ELMO3: variants seen among roughly 807,000 people sequenced by gnomAD.
ELMO3 encodes engulfment and cell motility 3.
ELMO3 carries 81 observed loss-of-function variants against 89.0 expected under a neutral mutation model. The observed-to-expected ratio is 0.91, with a 90% confidence interval of 0.76 to 1.09. ELMO3 has a LOEUF of 1.09. ELMO3 is among the 50% of genes least tolerant of loss of function. ELMO3 has a pLI of 0.00. For missense variants in ELMO3, 959 were observed against 972.8 expected (o/e 0.99, Z 0.19); for synonymous variants, 406 against 400.6 (o/e 1.01, Z -0.16).
rs1428722458 is a variant in ELMO3 at position 67,203,817 on chromosome 16, T to G, written c.2103T>G (p.Pro701=). Residue 701 remains proline (P), a synonymous_variant, in exon 20 of 20, where the codon CCT becomes CCG. Coordinates refer to ENST00000393997, the MANE Select transcript of ELMO3 (RefSeq NM_024712.5). This position sits in a 1 kb window ranked among gnomAD's most constrained non-coding sequence, Gnocchi z 4.6. ...ENVPIPERPP[P]VPPPPTNFNF... ...TGCCCATCCCCGAGCGGCCACCCCC[T>G]GTGCCCCCACCCCCCACCAACTTCA... 4.6e-6 allele frequency: 5 copies of G among 1,075,472 alleles called. No individual in the cohort carries two copies. Among genetic ancestry groups the G allele is most frequent in the Admixed American group, 1.9e-5 (1 of 51,426 alleles). 66.6% of individuals were successfully genotyped at this position (1,075,472 alleles called of 1,614,324 possible). A position where few individuals can be genotyped will look rare whatever the true frequency, so the allele number is the denominator to read the frequency against.
At position 67,199,699 on chromosome 16, in the gene ELMO3, C is replaced by G; in HGVS notation, c.135C>G (p.His45Gln). Residue 45 changes from histidine (H) to glutamine (Q), a missense_variant, in exon 3 of 20, where the codon CAC becomes CAG. By Grantham distance (24) the His-to-Gln change is conservative. Transcript: ENST00000393997. Reference sequence around the variant, plus strand: ...TGCCCCTCAGGTGGAGCCTGACGCACTCTGAGCGTTACGCCCTGCAGTTTG... The same window carrying G: ...TGCCCCTCAGGTGGAGCCTGACGCAGTCTGAGCGTTACGCCCTGCAGTTTG... ...KEVCDAWSLT[H>Q]SERYALQFAD... The G allele has an allele frequency of 1.2e-6, 2 of 1,610,984 alleles. No individual in the cohort carries two copies. Among genetic ancestry groups the G allele is most frequent in the Non-Finnish European group, 1.7e-6 (2 of 1,179,884 alleles).
intron 5 of ELMO3, 43 bp from the exon 6 acceptor site, chr16:67,200,408 G>C: frequency 6.2e-7 from 1 of 1,608,300 alleles, no homozygotes; most frequent in Non-Finnish European, 8.5e-7. Flanking sequence ...GGTCTTTCTG[G>C]TCCTGGGGTG....
In ELMO3 at chr16:67,201,986, C is replaced by T; in HGVS notation, c.1060C>T (p.Pro354Ser). 6.2e-7 allele frequency: 1 copy of T among 1,613,160 alleles called. No homozygotes were observed. Among genetic ancestry groups the T allele is most frequent in the Non-Finnish European group, 8.5e-7 (1 of 1,179,978 alleles). ...FRKLGFSNSN[P>S]AQDLERVPPG... is the part of the protein sequence containing the mutation. ...TGCCCACTTCCCCCAGAACAGCAACCCAGCACAGGACCTGGAGCGCGTGCC... is the reference window on the plus strand; with the variant it reads ...TGCCCACTTCCCCCAGAACAGCAACTCAGCACAGGACCTGGAGCGCGTGCC... The change falls in exon 12 of 20, where the codon CCA becomes TCA. Residue 354 changes from proline (P) to serine (S), a missense_variant. By Grantham distance (74) the Pro-to-Ser change is moderately conservative (BLOSUM62 -1). Transcript: ENST00000393997.
In ELMO3 at chr16:67,199,986, C is replaced by T. The variant is rs2033060667; in HGVS notation, c.228C>T (p.Cys76=). 6.2e-7 allele frequency: 1 copy of T among 1,613,716 alleles called. No homozygotes were observed. The highest frequency in any genetic ancestry group is 8.5e-7 in the Non-Finnish European group (1 of 1,180,038). Residue 76 remains cysteine (C), a synonymous_variant, in exon 4 of 20, where the codon TGC becomes TGT. Coordinates refer to ENST00000393997, the MANE Select transcript of ELMO3 (RefSeq NM_024712.5). The part of the protein sequence containing the change: ...RAEIKNGSIL[C]LSTAPDLEAE... ...AGATCAAGAATGGCAGCATCCTGTG[C>T]CTCAGCACGGCCCCAGTAATGCCCC... is the stretch of plus-strand genomic sequence containing the variant.
chr16:67,200,035 T>TA (rs1242923148), intron 4 of ELMO3, 34 bp downstream of exon 4: 1 of 1,570,438 alleles, frequency 6.4e-7, no homozygotes, highest in South Asian at 1.1e-5. Flanking sequence ...TCCCCATCCC[T>TA]GCCCCTTTGC....
intron 1 of ELMO3, 41 bp from the exon 2 acceptor site, chr16:67,199,512 C>T: frequency 6.3e-7 from 1 of 1,577,108 alleles, no homozygotes; most frequent in Non-Finnish European, 8.6e-7. Flanking sequence ...CCTCCCCATC[C>T]CTCCCTGCCC....
At position 67,199,678 on chromosome 16, in the gene ELMO3, C is replaced by G; in HGVS notation, c.120-6C>G. The G allele has an allele frequency of 6.2e-7, 1 of 1,610,312 alleles. No individual in the cohort carries two copies. The highest frequency in any genetic ancestry group is 8.5e-7 in the Non-Finnish European group (1 of 1,179,740). On this transcript the variant is annotated splice_region_variant and splice_polypyrimidine_tract_variant and intron_variant, in intron 2 of 19. Transcript: ENST00000393997. ...TGCCGGCCTCGCTGAGCCTCGTGCC[C>G]CTCAGGTGGAGCCTGACGCACTCTG...
Position 67,202,384 on chromosome 16 carries a change from C to T in ELMO3, c.1262-13C>T, listed in dbSNP as rs765423113. On this transcript the variant is annotated splice_polypyrimidine_tract_variant and intron_variant, in intron 13 of 19. Coordinates refer to ENST00000393997, the MANE Select transcript of ELMO3 (RefSeq NM_024712.5). ...CACTTTCTCCCTGAGCCCCTCCTGC[C>T]CCCCCACTCCAGGCTCTGAGACAGC... The T allele has an allele frequency of 1.2e-6, 2 of 1,613,612 alleles. No homozygotes were observed. Among genetic ancestry groups the T allele is most frequent in the East Asian group, 2.2e-5 (1 of 44,894 alleles).
intron 8 of ELMO3, 86 bp downstream of exon 8, chr16:67,201,054 T>C (rs1015632899): frequency 2.0e-5 from 28 of 1,413,550 alleles, no homozygotes; most frequent in East Asian, 2.5e-5. Flanking sequence ...CCCCCCTTTT[T>C]TTTTTTTTTG....
rs776722224 is a variant in ELMO3, at chr16:67,200,994, G to C, written c.744+26G>C. 5 of 1,576,452 alleles carry C rather than the reference G, an allele frequency of 3.2e-6. No individual in the cohort carries two copies. In the African/African-American group the frequency reaches 6.9e-5, roughly 22 times the overall value. On this transcript the variant is annotated intron_variant, in intron 8 of 19. Transcript: ENST00000393997. ...GTGAGTGTCGATCGGTGGCTAGATG[G>C]GGGCAGCACCCGGTGGGCGCTGCCC... is the stretch of plus-strand genomic sequence containing the variant.
chr16:67,201,120 A>G (rs1322269005), intron 8 of ELMO3, 152 bp downstream of exon 8: 2 of 971,888 alleles, frequency 2.1e-6, no homozygotes, highest in Non-Finnish European at 2.9e-6. Context: ...ATCTTGGCTC[A>G]CTGCAAGCTC....
chr16:67,200,179 C>T lies in ELMO3; in HGVS notation c.244-13C>T, dbSNP rs1401803127. 1.9e-6 allele frequency: 3 copies of T among 1,608,272 alleles called. No individual in the cohort carries two copies. The highest frequency in any genetic ancestry group is 4.5e-5 in the East Asian group (2 of 44,768). ...CAGCCTCTTCACCTCTGCTCCTGCT[C>T]CGTTCCTGCCAGGACCTTGAGGCTG... On this transcript the variant is annotated splice_polypyrimidine_tract_variant and intron_variant, in intron 4 of 19. Coordinates refer to ENST00000393997, the MANE Select transcript of ELMO3 (RefSeq NM_024712.5).
rs200639831 is a variant in ELMO3, at chr16:67,201,803, C to G, written c.980C>G (p.Ser327Trp). Residue 327 changes from serine (S) to tryptophan (W), a missense_variant, in exon 11 of 20, where the codon TCG becomes TGG. Physicochemically the swap from Ser to Trp is radical, Grantham distance 177. Coordinates refer to ENST00000393997, the MANE Select transcript of ELMO3 (RefSeq NM_024712.5). ...GCCTTCGAGGTGGAGGGGGAGTCCT[C>G]GGGTGCCGGGCTAAGTGCTGACCGT... Reference protein sequence around the residue: ...QAAFEVEGESSGAGLSADRRR... With the variant: ...QAAFEVEGESWGAGLSADRRR... 8 of 1,611,980 alleles carry G rather than the reference C, an allele frequency of 5.0e-6. No individual in the cohort carries two copies. Among genetic ancestry groups the G allele is most frequent in the Non-Finnish European group, 6.8e-6 (8 of 1,179,986 alleles).
chr16:67,201,414 C>G lies in ELMO3; in HGVS notation c.774C>G (p.Asn258Lys), dbSNP rs377314519. The G allele has an allele frequency of 1.2e-6, 2 of 1,613,948 alleles. No individual in the cohort carries two copies. Among genetic ancestry groups the G allele is most frequent in the Non-Finnish European group, 1.7e-6 (2 of 1,179,980 alleles). Reference sequence around the variant, plus strand: ...TGCTTGACTATCTTTGGCAGAGGAACCTTCGCCAGTTCATCTATAAGGTAG... The same window carrying G: ...TGCTTGACTATCTTTGGCAGAGGAAGCTTCGCCAGTTCATCTATAAGGTAG... ...KHMLDYLWQR[N>K]LRQFIYKNII... is the part of the protein sequence containing the mutation. The change falls in exon 9 of 20, where the codon AAC becomes AAG. Residue 258 changes from asparagine (N) to lysine (K), a missense_variant. Coordinates refer to ENST00000393997, the MANE Select transcript of ELMO3 (RefSeq NM_024712.5).
At chr16:67,201,008 TGGGC>T (rs2033092086) in intron 8 of ELMO3, 40 bp downstream of exon 8, 6 of 1,561,578 alleles carry the variant, frequency 3.8e-6, no homozygotes, top group Non-Finnish European at 5.2e-6. Context: ...CAGCACCCGG[TGGGC>T]GCTGCCCCAC....
chr16:67,201,398 A>C lies in ELMO3; in HGVS notation c.758A>C (p.Tyr253Ser). 6.2e-7 allele frequency: 1 copy of C among 1,613,608 alleles called. No homozygotes were observed. Among genetic ancestry groups the C allele is most frequent in the South Asian group, 1.1e-5 (1 of 91,056 alleles). ...CTACCCCCTCAGCACATGCTTGACT[A>C]TCTTTGGCAGAGGAACCTTCGCCAG... is the stretch of plus-strand genomic sequence containing the variant. ...SPVERKHMLD[Y>S]LWQRNLRQFI... Residue 253 changes from tyrosine (Y) to serine (S), a missense_variant, in exon 9 of 20, where the codon TAT becomes TCT. Tyr to Ser is a moderately radical substitution (Grantham distance 144). Coordinates refer to ENST00000393997, the MANE Select transcript of ELMO3 (RefSeq NM_024712.5).
At chr16:67,200,082 C>T in intron 4 of ELMO3, 81 bp downstream of exon 4, 1 of 1,569,238 alleles carries the variant, frequency 6.4e-7, no homozygotes, top group Non-Finnish European at 8.6e-7. Flanking sequence ...GAGGCCCCCG[C>T]CCCAGCCCTG....
At position 67,199,236 on chromosome 16, in the gene ELMO3, T is replaced by A. The variant is rs903075660; in HGVS notation, c.-91T>A. The A allele has an allele frequency of 3.1e-6, 5 of 1,611,230 alleles. No homozygotes were observed. The African/African-American group carries it at 6.7e-5, about 22-fold the overall frequency. ...GGTCAGGTCTCGGAAAGGGAGGACC[T>A]CCTCGTCCCCAGGGGCCCCAGGCCA... On this transcript the variant is annotated 5_prime_UTR_variant, in exon 1 of 20. Coordinates refer to ENST00000393997, the MANE Select transcript of ELMO3 (RefSeq NM_024712.5).
intron 2 of ELMO3, 38 bp downstream of exon 2, chr16:67,199,631 G>T: frequency 6.2e-7 from 1 of 1,607,926 alleles, no homozygotes. Context: ...GAGGGCGGGA[G>T]GGCAGGAGGG....
Sources: allele counts gnomAD v4.1 joint callset, GRCh38; gene constraint gnomAD v4.1.1; non-coding constraint Gnocchi (gnomAD v3.1); transcripts MANE v1.5; gene names NCBI Gene and HGNC (gene_info 2026-07-23, HGNC 2026-07-21).